The following PKHD1L1 variants were observed in gnomAD, a reference collection of about 807,000 sequenced individuals.
PKHD1L1 encodes fibrocystin-L.
PKHD1L1 carries 434 observed loss-of-function variants against 462.9 expected under a neutral mutation model. That is an observed-to-expected ratio of 0.94 (90% confidence interval 0.87 to 1.02). The LOEUF is 1.02. Ranked by LOEUF, PKHD1L1 falls within the 50% of genes least tolerant of loss-of-function variation. The pLI is 0.00. For missense variants in PKHD1L1, 5,202 were observed against 5,096.1 expected, an observed-to-expected ratio of 1.02 and a Z score of -0.63; for synonymous variants, 1,781 against 1,750.0, an observed-to-expected ratio of 1.02 and a Z score of -0.44.
intron 32 of PKHD1L1, 120 bp from the exon 33 acceptor site, chr8:109,440,590 G>A (rs1815722003): frequency 1.2e-5 from 10 of 821,576 alleles, no homozygotes; most frequent in Non-Finnish European, 1.8e-5. Flanking sequence ...TCTTGAAAAA[G>A]TAATGTACAG....
intron 23 of PKHD1L1, among the ~76,000 whole-genome samples, chr8:109,420,903 T>C (rs959485539): frequency 2.0e-5 from 3 of 152,060 alleles, no homozygotes; most frequent in Non-Finnish European, 4.4e-5. Context: ...GAAATATCCT[T>C]AAAAAACAAA....
At chr8:109,486,937 A>C (rs1240452514) in intron 59 of PKHD1L1, 116 bp downstream of exon 59, 1 of 1,084,828 alleles carries the variant, frequency 9.2e-7, no homozygotes, top group Non-Finnish European at 1.3e-6. Flanking sequence ...AAAATAAAGC[A>C]TTAAAAGTGA....
chr8:109,446,741 G>GA (rs1816164041), intron 38 of PKHD1L1, among the ~76,000 whole-genome samples: 1 of 151,776 alleles, frequency 6.6e-6, no homozygotes, highest in East Asian at 1.9e-4. Context: ...CTCTGCCTTT[G>GA]AATTTTTTTT....
chr8:109,425,287 T>C, intron 24 of PKHD1L1, 55 bp downstream of exon 24: 1 of 1,328,712 alleles, frequency 7.5e-7, no homozygotes. Context: ...ATGTATAACC[T>C]TATAAAGTGT....
Position 109,444,716 on chromosome 8 carries a change from C to T in PKHD1L1, c.4847C>T (p.Thr1616Ile), listed in dbSNP as rs1166364470. ...VVEESSEDSI[T>I]CHIDPQNSMD... is the part of the protein sequence containing the mutation. The stretch of plus-strand genomic sequence containing the variant: ...GAAGAAAGTAGTGAGGATTCAATTA[C>T]ATGTCATATTGACCCTCAAAACTCA... Residue 1616 changes from threonine to isoleucine, a missense_variant, in exon 38 of 78, where the codon ACA becomes ATA. Thr to Ile is a moderately conservative substitution (Grantham distance 89, BLOSUM62 -1). Around this residue, in one of 3 missense-constraint regions of PKHD1L1, gnomAD observed 4,497 missense variants for 4,336.8 expected, o/e 1.04. Transcript: ENST00000378402. 1 of 1,613,772 alleles carries T rather than the reference C, an allele frequency of 6.2e-7. No individual in the cohort carries two copies. Among genetic ancestry groups the T allele is most frequent in the Non-Finnish European group, 8.5e-7 (1 of 1,179,680 alleles).
Position 109,510,793 on chromosome 8 carries a change from C to CT in PKHD1L1, c.11413dup (p.Trp3805LeufsTer25), listed in dbSNP as rs1363302743. The CT allele has an allele frequency of 6.2e-7, 1 of 1,612,896 alleles. No individual in the cohort carries two copies. Among genetic ancestry groups the CT allele is most frequent in the Admixed American group, 1.7e-5 (1 of 59,904 alleles). On this transcript the variant is annotated frameshift_variant, in exon 71 of 78. Transcript: ENST00000378402. LOFTEE classifies it high-confidence loss of function. The stretch of plus-strand genomic sequence containing the variant: ...TGGATTTAGGCCCACAGGATCATGG[C>CT]TGGTGTGCTGGATATACATGCCAGA...
At chr8:109,470,429 G>A (rs1817660764) in intron 50 of PKHD1L1, 4 of 1,597,732 alleles carry the variant, frequency 2.5e-6, no homozygotes, top group Non-Finnish European at 2.6e-6. Flanking sequence ...GATAAGAAAG[G>A]CAAATCAAAA....
chr8:109,391,675 C>T (rs547645004), intron 9 of PKHD1L1, among the ~76,000 whole-genome samples: 15 of 152,142 alleles, frequency 9.9e-5, no homozygotes, highest in Non-Finnish European at 2.2e-4. Flanking sequence ...AGGAAAGATC[C>T]GGTAATTTCT....
rs1247011100 is a variant in PKHD1L1 at position 109,442,951 on chromosome 8, T to C, written c.4399T>C (p.Phe1467Leu). ...SGRQKSTSGSFSYQFTSPGIH... is the reference protein window; with the variant it reads ...SGRQKSTSGSLSYQFTSPGIH... ...ACAATCTCATTTTATGGCAGGTTCA[T>C]TTTCTTACCAATTTACTTCTCCTGG... is the stretch of plus-strand genomic sequence containing the variant. Residue 1467 changes from phenylalanine (F) to leucine (L), a missense_variant, in exon 36 of 78, where the codon TTT (phenylalanine) becomes CTT (leucine). This residue lies in a region of PKHD1L1 where 4,497 missense variants were observed against 4,336.8 expected (regional missense o/e 1.04). Transcript: ENST00000378402. 1 of 1,612,784 alleles carries C rather than the reference T, an allele frequency of 6.2e-7. No individual in the cohort carries two copies. Among genetic ancestry groups the C allele is most frequent in the South Asian group, 1.1e-5 (1 of 91,008 alleles).
chr8:109,395,224 C>G (rs1018679452), intron 10 of PKHD1L1, among the ~76,000 whole-genome samples: 4 of 152,220 alleles, frequency 2.6e-5, no homozygotes, highest in Non-Finnish European at 4.4e-5. Flanking sequence ...GATTTATGCT[C>G]TCAGTGTGGT....
rs186165980 is a variant in PKHD1L1 at position 109,406,337 on chromosome 8, T to C, written c.1672T>C (p.Phe558Leu). The change falls in exon 17 of 78, where the codon TTC becomes CTC. Residue 558 changes from phenylalanine to leucine, a missense_variant and splice_region_variant. Physicochemically the swap from Phe to Leu is conservative, Grantham distance 22 (BLOSUM62 0). This residue lies in a region of PKHD1L1 where 4,497 missense variants were observed against 4,336.8 expected (regional missense o/e 1.04). Transcript: ENST00000378402. ...RLIYNMEKTV[F>L]LPADASEFIL... ...TGTTTGTTTTAATCCAATCAAAGTC[T>C]TCCTACCTGCTGATGCTTCTGAATT... 2 of 1,546,852 alleles carry C rather than the reference T, an allele frequency of 1.3e-6. No homozygotes were observed. The highest frequency in any genetic ancestry group is 8.7e-7 in the Non-Finnish European group (1 of 1,145,736).
intron 2 of PKHD1L1, among the ~76,000 whole-genome samples, chr8:109,369,048 C>T (rs1158286444): frequency 2.6e-5 from 4 of 151,634 alleles, no homozygotes; most frequent in South Asian, 2.1e-4. Flanking sequence ...GGCACGATCT[C>T]GACTCACTGC....
In PKHD1L1 at chr8:109,412,301, G is replaced by A. The variant is rs141754255; in HGVS notation, c.2122G>A (p.Asp708Asn). 69 of 1,613,732 alleles carry A rather than the reference G, an allele frequency of 4.3e-5. No homozygotes were observed. The highest frequency in any genetic ancestry group is 8.9e-5 in the East Asian group (4 of 44,872). The change falls in exon 20 of 78, where the codon GAT (aspartate) becomes AAT (asparagine). Residue 708 changes from aspartate (D) to asparagine (N), a missense_variant. Transcript: ENST00000378402. Reference sequence around the variant, plus strand: ...CAGAGGGCAGAAGACAGCTGAAACCGATGCTTACTGTGGTCGTTATTCCCT... The same window carrying A: ...CAGAGGGCAGAAGACAGCTGAAACCAATGCTTACTGTGGTCGTTATTCCCT... The part of the protein sequence containing the change: ...INRGQKTAET[D>N]AYCGRYSLKN...
chr8:109,521,804 C>T (rs560884241), intron 73 of PKHD1L1, among the ~76,000 whole-genome samples: 259 of 152,174 alleles, frequency 1.7e-3, no homozygotes, highest in Non-Finnish European at 2.8e-3. Context: ...CCTTCCATTC[C>T]AAAATTAACA....
chr8:109,529,398 A>G (rs946379863), intron 77 of PKHD1L1, among the ~76,000 whole-genome samples: 21 of 152,178 alleles, frequency 1.4e-4, no homozygotes, highest in African/African-American at 1.4e-4. Context: ...TGTTTATTTT[A>G]TAATAGGATG....
chr8:109,447,574 CA>C (rs1423451010), intron 38 of PKHD1L1, among the ~76,000 whole-genome samples: 6 of 152,200 alleles, frequency 3.9e-5, no homozygotes, highest in Admixed American at 1.3e-4. Context: ...TGCACTCATT[CA>C]AGGCATTAAC....
intron 77 of PKHD1L1, among the ~76,000 whole-genome samples, chr8:109,528,611 T>C (rs1333454018): frequency 6.6e-6 from 1 of 152,190 alleles, no homozygotes; most frequent in Non-Finnish European, 1.5e-5. Context: ...TTCCACCTCA[T>C]CCAGCAGGTT....
chr8:109,451,192 C>T (rs1236621103), intron 41 of PKHD1L1, 43 bp downstream of exon 41: 1 of 1,535,916 alleles, frequency 6.5e-7, no homozygotes, highest in African/African-American at 1.4e-5. Flanking sequence ...CATTTCCAGA[C>T]TTGAGCCATT....
At chr8:109,366,252 T>C (rs1427960084) in intron 2 of PKHD1L1, among the ~76,000 whole-genome samples, 2 of 152,242 alleles carry the variant, frequency 1.3e-5, no homozygotes, top group East Asian at 3.9e-4. Flanking sequence ...TCTACTTTTC[T>C]CATCCGTCCC....
Sources: gnomAD v4.1 joint callset for allele counts (sites outside exome capture counted in the v4.1 genomes callset) on GRCh38, gnomAD v4.1.1 for gene constraint, gnomAD v4.1.1 regional missense constraint, MANE v1.5 for transcripts, NCBI Gene and HGNC (gene_info 2026-07-23, HGNC 2026-07-21) for gene names.